The following SYT1 variants were observed in gnomAD, a reference collection of about 807,000 sequenced individuals.
The protein encoded by SYT1 is synaptotagmin-1.
SYT1 carries 8 observed loss-of-function variants against 44.8 expected under a neutral mutation model. That is an observed-to-expected ratio of 0.18 (90% CI 0.10 to 0.32). SYT1 has a LOEUF of 0.32. Ranked by LOEUF, SYT1 falls within the 10% of genes least tolerant of loss-of-function variation. The pLI, the probability that SYT1 is intolerant of heterozygous loss-of-function variation, is 1.00. For synonymous variants in SYT1, 154 were observed against 188.8 expected (o/e 0.82, Z 1.51); for missense variants, 286 against 509.3 (o/e 0.56, Z 4.22).
At chr12:79,178,685 C>T (rs1260621956) in intron 3 of SYT1, among the ~76,000 whole-genome samples, 3 of 151,646 alleles carry the variant, frequency 2.0e-5, no homozygotes, top group African/African-American at 7.3e-5. Flanking sequence ...AAGTCAAATC[C>T]AATACCATAG....
At chr12:79,026,516 A>G (rs1331489696) in intron 2 of SYT1, among the ~76,000 whole-genome samples, 2 of 150,990 alleles carry the variant, frequency 1.3e-5, no homozygotes, top group Non-Finnish European at 3.0e-5. Flanking sequence ...CTATGCTTTT[A>G]TGTTATTGGA....
At chr12:79,163,549 C>G (rs971097865) in intron 3 of SYT1, among the ~76,000 whole-genome samples, 1 of 152,062 alleles carries the variant, frequency 6.6e-6, no homozygotes, top group African/African-American at 2.4e-5. Context: ...AGCCAAGGAA[C>G]TAAGATGTAA....
At chr12:79,304,416 G>A (rs2138898605) in intron 8 of SYT1, among the ~76,000 whole-genome samples, 1 of 152,100 alleles carries the variant, frequency 6.6e-6, no homozygotes, top group East Asian at 1.9e-4. Context: ...GGGTTTTTTT[G>A]GTATGTTTCT....
chr12:79,343,194 A>T (rs992122424), intron 8 of SYT1, among the ~76,000 whole-genome samples: 6 of 152,208 alleles, frequency 3.9e-5, no homozygotes, highest in African/African-American at 1.4e-4. Context: ...TTGAAATCTT[A>T]GTAGCAACTA....
chr12:79,252,578 T>A (rs950486153), intron 4 of SYT1, among the ~76,000 whole-genome samples: 5 of 152,136 alleles, frequency 3.3e-5, no homozygotes, highest in Non-Finnish European at 1.5e-5. Flanking sequence ...TGATATGAGA[T>A]CATCCAGACC....
intron 1 of SYT1, among the ~76,000 whole-genome samples, chr12:78,932,038 G>C (rs1462487620): frequency 6.6e-6 from 1 of 152,164 alleles, no homozygotes; most frequent in Non-Finnish European, 1.5e-5. Flanking sequence ...AGTCTGTTTG[G>C]ACAGCCACTT....
At chr12:79,260,744 C>G (rs1048300018) in intron 4 of SYT1, among the ~76,000 whole-genome samples, 4 of 151,990 alleles carry the variant, frequency 2.6e-5, no homozygotes, top group Non-Finnish European at 5.9e-5. Context: ...CCATTTACAT[C>G]TAAGCGTTAG....
chr12:79,091,170 C>T (rs1399286390), intron 3 of SYT1, among the ~76,000 whole-genome samples: 1 of 151,938 alleles, frequency 6.6e-6, no homozygotes, highest in African/African-American at 2.4e-5. Context: ...ACAGTCCCCT[C>T]TTTGAAATTT....
At chr12:79,447,747 TTG>T (rs1219137364) in intron 10 of SYT1, among the ~76,000 whole-genome samples, 5 of 152,210 alleles carry the variant, frequency 3.3e-5, no homozygotes, top group Non-Finnish European at 5.9e-5. Context: ...GTCCGTTTTA[TTG>T]ACAATGTGTT....
At chr12:79,150,346 G>T (rs151192454) in intron 3 of SYT1, among the ~76,000 whole-genome samples, 1 of 152,046 alleles carries the variant, frequency 6.6e-6, no homozygotes, top group African/African-American at 2.4e-5. Context: ...AAATAAGCAG[G>T]CACCAAGAGA....
chr12:78,864,331 T>C (rs1873414947), upstream of SYT1: 1 of 147,624 alleles, frequency 6.8e-6, no homozygotes, highest in Non-Finnish European at 1.5e-5. Context: ...ATGCTCAGTA[T>C]CAGGGTAGGT....
chr12:79,383,028 T>A (rs1884289771), intron 9 of SYT1, among the ~76,000 whole-genome samples: 1 of 143,504 alleles, frequency 7.0e-6, no homozygotes, highest in African/African-American at 2.8e-5. Context: ...GTTGAAATAT[T>A]TATTGGCATG....
chr12:78,960,542 C>T (rs1431384614), intron 1 of SYT1: 1 of 152,136 alleles, frequency 6.6e-6, no homozygotes. Flanking sequence ...ATGTAACAAA[C>T]AAATGTTCTC....
At chr12:79,028,295 ATCT>A (rs1872647080) in intron 2 of SYT1, among the ~76,000 whole-genome samples, 1 of 151,438 alleles carries the variant, frequency 6.6e-6, no homozygotes, top group African/African-American at 2.4e-5. Flanking sequence ...TTTAAGCATA[ATCT>A]TCTCTTATGT....
intron 2 of SYT1, among the ~76,000 whole-genome samples, chr12:79,030,191 T>G (rs769005540): frequency 1.3e-5 from 2 of 151,146 alleles, no homozygotes; most frequent in Non-Finnish European, 3.0e-5. Flanking sequence ...CAAATTCTTG[T>G]GCTATATTAA....
intron 3 of SYT1, among the ~76,000 whole-genome samples, chr12:79,097,943 A>G (rs114261979): frequency 3.3e-5 from 5 of 152,122 alleles, no homozygotes; most frequent in African/African-American, 4.8e-5. Context: ...TTACTCACAC[A>G]TACACATTTA....
intron 3 of SYT1, among the ~76,000 whole-genome samples, chr12:79,190,810 G>T (rs1452032521): frequency 1.3e-5 from 2 of 151,254 alleles, no homozygotes; most frequent in Non-Finnish European, 1.5e-5. Flanking sequence ...ACTTCTAGTT[G>T]CCCCTCTTTT....
At chr12:79,445,076 C>A (rs1870630329) in intron 10 of SYT1, among the ~76,000 whole-genome samples, 1 of 151,920 alleles carries the variant, frequency 6.6e-6, no homozygotes, top group Non-Finnish European at 1.5e-5. Context: ...CAAGTTTGCC[C>A]ATAACTTGAA....
chr12:79,132,725 G>T (rs1048836906), intron 3 of SYT1, among the ~76,000 whole-genome samples: 30 of 130,698 alleles, frequency 2.3e-4, no homozygotes, highest in African/African-American at 8.7e-4. Flanking sequence ...GCTACCATGA[G>T]ATCCAGCAAT....
Sources: allele counts gnomAD v4.1 joint callset (sites outside exome capture counted in the v4.1 genomes callset), GRCh38; gene constraint gnomAD v4.1.1; transcripts MANE v1.5; gene names NCBI Gene and HGNC (gene_info 2026-07-23, HGNC 2026-07-21).